ETFB: variants seen among roughly 807,000 people sequenced by gnomAD.
The protein encoded by ETFB is electron transfer flavoprotein subunit beta.
Under a neutral mutation model 25.6 loss-of-function variants are expected in ETFB, and 20 were observed. The observed-to-expected ratio is 0.78, with a 90% CI of 0.55 to 1.14. The LOEUF is 1.14. Among genes scored for constraint, ETFB ranks in the 50% most tolerant of loss-of-function variants. The probability of loss-of-function intolerance (pLI) is 0.00; values close to 1 mark genes in which losing one functional copy is unlikely to be tolerated. For missense variants in ETFB, 286 were observed against 342.6 expected (o/e 0.83, Z 1.30); for synonymous variants, 142 against 146.7 (o/e 0.97, Z 0.23).
chr19:51,361,935 C>T (rs1259672900), intron 1 of ETFB: 1 of 151,936 alleles, frequency 6.6e-6, no homozygotes, highest in Non-Finnish European at 1.5e-5. Flanking sequence ...GAACTCCTGA[C>T]CTCGTGATCC....
chr19:51,346,830 C>T, intron 5 of ETFB, 70 bp downstream of exon 5: 1 of 1,471,060 alleles, frequency 6.8e-7, no homozygotes, highest in Non-Finnish European at 9.2e-7. Flanking sequence ...CGTGCGACCA[C>T]CGGGGGGCAC....
intron 1 of ETFB, among the ~76,000 whole-genome samples, chr19:51,358,828 C>CA (rs1568469565): frequency 2.7e-5 from 3 of 110,520 alleles, no homozygotes; most frequent in Admixed American, 8.9e-5. Context: ...AAACAAACAA[C>CA]AACAAAAAAA....
chr19:51,347,320 C>G (rs1457824788), intron 4 of ETFB: 2 of 518,550 alleles, frequency 3.9e-6, no homozygotes, highest in African/African-American at 3.8e-5. Flanking sequence ...TGACAGGGAA[C>G]ATGTACTGAG....
chr19:51,359,189 C>T (rs1379448903), intron 1 of ETFB, among the ~76,000 whole-genome samples: 4 of 151,558 alleles, frequency 2.6e-5, no homozygotes, highest in Non-Finnish European at 5.9e-5. Flanking sequence ...GTAGCTGGGA[C>T]CACAGGCGGG....
chr19:51,355,034 C>A, intron 1 of ETFB: 1 of 226,410 alleles, frequency 4.4e-6, no homozygotes, highest in Non-Finnish European at 8.9e-6. Flanking sequence ...GAGAGTTATG[C>A]AGATAGCTTT....
chr19:51,348,452 C>T (rs962739754), intron 4 of ETFB: 1 of 152,056 alleles, frequency 6.6e-6, no homozygotes, highest in African/African-American at 2.4e-5. Context: ...GAATTCAAGA[C>T]ACATTATCAT....
chr19:51,353,458 G>A (rs372607771), intron 2 of ETFB, among the ~76,000 whole-genome samples, 168 bp from the exon 3 acceptor site: 140 of 24,680 alleles, frequency 5.7e-3, no homozygotes, highest in African/African-American at 0.018. Context: ...CCAGGAGTCC[G>A]GGCCCCCATC....
At chr19:51,361,830 G>A (rs34693208) in intron 1 of ETFB, 57,116 of 150,646 alleles carry the variant, frequency 0.38, 12,918 homozygotes, top group Non-Finnish European at 0.51. Context: ...TCAGCCCCCC[G>A]AGTAGCTGGG....
At chr19:51,363,134 G>A (rs144128016) in intron 1 of ETFB, among the ~76,000 whole-genome samples, 1 of 152,254 alleles carries the variant, frequency 6.6e-6, no homozygotes, top group East Asian at 1.9e-4. Context: ...TGATTTTAAG[G>A]AGGCAAGCAG....
At chr19:51,361,583 G>A (rs1450478614) in intron 1 of ETFB, 1 of 152,164 alleles carries the variant, frequency 6.6e-6, no homozygotes, top group African/African-American at 2.4e-5. Context: ...GCTGGTCGGG[G>A]TTGGGCCCCG....
At chr19:51,349,336 T>C (rs1046775061) in intron 4 of ETFB, among the ~76,000 whole-genome samples, 1 of 152,250 alleles carries the variant, frequency 6.6e-6, no homozygotes, top group Non-Finnish European at 1.5e-5. Flanking sequence ...GATTACATGT[T>C]AAAATAATAT....
chr19:51,361,462 C>G (rs927824031), intron 1 of ETFB, among the ~76,000 whole-genome samples: 1 of 152,146 alleles, frequency 6.6e-6, no homozygotes, highest in African/African-American at 2.4e-5. Context: ...GTGAGCCCCA[C>G]GTGTGCCCTG....
At chr19:51,347,245 A>G in intron 4 of ETFB, 187 bp from the exon 5 acceptor site, 1 of 630,210 alleles carries the variant, frequency 1.6e-6, no homozygotes, top group Non-Finnish European at 2.8e-6. Context: ...CCTTTCCCTG[A>G]GAGCCACGGT....
At chr19:51,349,066 C>T (rs1985867511) in intron 4 of ETFB, among the ~76,000 whole-genome samples, 1 of 152,086 alleles carries the variant, frequency 6.6e-6, no homozygotes, top group Non-Finnish European at 1.5e-5. Context: ...TTTTTTAGTT[C>T]CAGTACAGTA....
rs981006954 is a variant in ETFB, at chr19:51,366,283, T to G, written c.44A>C (p.Asp15Ala). ...GGGCCCGATCACCTTCACGGCGTAG[T>G]CGATGACCCTCTTGACAGCTACGAG... ...RVLVAVKRVI[D>A]YAVKIRVKPD... The change falls in exon 1 of 6, where the codon GAC (aspartate) becomes GCC (alanine). Residue 15 changes from aspartate to alanine, a missense_variant. Transcript: ENST00000309244. 4 of 1,613,842 alleles carry G rather than the reference T, an allele frequency of 2.5e-6. No homozygotes were observed. The highest frequency in any genetic ancestry group is 3.4e-6 in the Non-Finnish European group (4 of 1,180,010).
intron 1 of ETFB, among the ~76,000 whole-genome samples, chr19:51,363,312 A>C (rs907150240): frequency 6.6e-6 from 1 of 152,072 alleles, no homozygotes; most frequent in African/African-American, 2.4e-5. Context: ...TAAACAGAGG[A>C]TCCCAATCCA....
intron 1 of ETFB, chr19:51,354,782 G>A (rs1474817985): frequency 2.2e-6 from 2 of 904,640 alleles, no homozygotes; most frequent in Middle Eastern, 3.3e-4. Flanking sequence ...ACAGCTACAG[G>A]CAACAATAGA....
At chr19:51,361,592 C>T (rs532880649) in intron 1 of ETFB, 3 of 151,870 alleles carry the variant, frequency 2.0e-5, no homozygotes, top group Non-Finnish European at 4.4e-5. Context: ...GGTTGGGCCC[C>T]GAGATGGAAA....
intron 5 of ETFB, chr19:51,346,614 TG>T: frequency 2.4e-6 from 1 of 411,932 alleles, no homozygotes; most frequent in Non-Finnish European, 4.5e-6. Flanking sequence ...CTTGTTCCAC[TG>T]GCTGGAATGA....
Sources: gnomAD v4.1 joint callset for allele counts (sites outside exome capture counted in the v4.1 genomes callset) on GRCh38, gnomAD v4.1.1 for gene constraint, MANE v1.5 for transcripts, NCBI Gene and HGNC (gene_info 2026-07-23, HGNC 2026-07-21) for gene names.